Variants in KLF11 observed in about 807,000 individuals in gnomAD.
KLF11 encodes KLF transcription factor 11, also known as Krueppel-like factor 11.
A neutral mutation model predicts 29.9 loss-of-function variants in KLF11; 26 were observed. The ratio of observed to expected loss-of-function variants is 0.87; its 90% confidence interval spans 0.64 to 1.21. The LOEUF (loss-of-function observed/expected upper bound fraction) is 1.21. Ranked by LOEUF, KLF11 falls within the 50% of genes most tolerant of loss-of-function variation. The pLI, the probability that KLF11 is intolerant of heterozygous loss-of-function variation, is 0.00. For missense variants in KLF11, 778 were observed against 665.7 expected (o/e 1.17, Z -1.86); for synonymous variants, 318 against 257.4 (o/e 1.24, Z -2.25).
At position 10,044,665 on chromosome 2, in the gene KLF11, A is replaced by T. The variant is rs1470206561; in HGVS notation, c.42+907A>T. ...TTTCCTTTCCTTTTTTTTTTTTTTG[A>T]TAGGGAGTCTCGCTCTATCGCCCAG... On this transcript the variant is annotated intron_variant, in intron 1 of 3. Transcript: ENST00000305883. 1.4e-3 allele frequency among the ~76,000 whole-genome samples: 137 copies of T among 97,894 alleles called. 1 individual carries two copies. The highest frequency in any genetic ancestry group is 5.6e-3 in the South Asian group (17 of 3,046). 64.2% of individuals were successfully genotyped at this position (97,894 alleles called of 152,430 possible).
intron 3 of KLF11, among the ~76,000 whole-genome samples, chr2:10,050,064 T>G (rs1471607209): frequency 6.6e-6 from 1 of 152,222 alleles, no homozygotes; most frequent in Non-Finnish European, 1.5e-5. Flanking sequence ...ACTGACAGAA[T>G]GACCTGCAGT....
rs183945913 is a variant in KLF11, at chr2:10,044,068, C to G, written c.42+310C>G. The G allele has an allele frequency of 7.1e-6, 5 of 707,918 alleles. No individual in the cohort carries two copies. In the South Asian group the frequency reaches 2.4e-4, roughly 35 times the overall value. The allele number at this position is 707,918 out of a possible 1,614,324, so 43.9% of individuals were successfully genotyped here. ...CATGACGTCACCCCGGTCCTGTGAG[C>G]CGGACGGCCGTTGGGCGGGGGAGCG... On this transcript the variant is annotated intron_variant, in intron 1 of 3. Transcript: ENST00000305883.
intron 3 of KLF11, among the ~76,000 whole-genome samples, chr2:10,051,734 G>T (rs1244720607): frequency 7.0e-6 from 1 of 142,136 alleles, no homozygotes; most frequent in Non-Finnish European, 1.5e-5. Context: ...AGCCAGGATG[G>T]TCTCGGTCTT....
intron 1 of KLF11, chr2:10,044,405 T>G: frequency 1.0e-6 from 1 of 985,404 alleles, no homozygotes; most frequent in African/African-American, 1.7e-5. Context: ...GCGGGCCTCG[T>G]GGTGTGCGGG....
chr2:10,052,487 A>C lies in KLF11; in HGVS notation c.1519A>C (p.Ser507Arg), dbSNP rs1661438572. 2 of 1,613,996 alleles carry C rather than the reference A, an allele frequency of 1.2e-6. No individual in the cohort carries two copies. Among genetic ancestry groups the C allele is most frequent in the Non-Finnish European group, 1.7e-6 (2 of 1,180,000 alleles). Residue 507 changes from serine to arginine, a missense_variant, in exon 4 of 4, where the codon AGC becomes CGC. Ser to Arg is a moderately radical substitution (Grantham distance 110, BLOSUM62 -1). Coordinates refer to ENST00000305883, the MANE Select transcript of KLF11 (RefSeq NM_003597.5). ...SAESPGSPLV[S>R]MPASA ...AGAGAGCCCGGGGAGCCCACTGGTG[A>C]GCATGCCAGCCTCTGCCTGAAAGGT... is the stretch of plus-strand genomic sequence containing the variant.
intron 1 of KLF11, chr2:10,044,493 G>A (rs1007055280): frequency 4.2e-6 from 4 of 953,136 alleles, no homozygotes; most frequent in African/African-American, 3.5e-5. Flanking sequence ...ATCACAGGGG[G>A]TTTAGTGGCG....
chr2:10,051,025 G>C (rs1661388450), intron 3 of KLF11, among the ~76,000 whole-genome samples: 3 of 142,470 alleles, frequency 2.1e-5, no homozygotes, highest in African/African-American at 5.2e-5. Context: ...TCCTGCCTCA[G>C]CCTCCCGAGT....
Position 10,053,297 on chromosome 2 carries a change from G to A in KLF11, c.*790G>A. ...CAGTACTTGCTGCAGGATCTAGTCTGTAATAGTCTTGGCCATGGCTCTGCT... is the reference window on the plus strand; with the variant it reads ...CAGTACTTGCTGCAGGATCTAGTCTATAATAGTCTTGGCCATGGCTCTGCT... On this transcript the variant is annotated 3_prime_UTR_variant, in exon 4 of 4. Transcript: ENST00000305883. The A allele has an allele frequency of 2.5e-6, 1 of 398,660 alleles. No individual in the cohort carries two copies. The highest frequency in any genetic ancestry group is 4.4e-6 in the Non-Finnish European group (1 of 226,084). The allele number at this position is 398,660 out of a possible 1,614,324, so 24.7% of individuals were successfully genotyped here.
chr2:10,045,108 T>C (rs1661149050), intron 1 of KLF11, among the ~76,000 whole-genome samples: 1 of 150,766 alleles, frequency 6.6e-6, no homozygotes, highest in Non-Finnish European at 1.5e-5. Context: ...ATGGTGCCAC[T>C]GCACTCCAGC....
In KLF11 at chr2:10,046,323, C is replaced by CA. The variant is rs1181749253; in HGVS notation, c.217dup (p.Thr73AsnfsTer5). On this transcript the variant is annotated frameshift_variant, in exon 2 of 4. Transcript: ENST00000305883. LOFTEE classifies it high-confidence loss of function. ...GTGACCTGTTGCGGATAAGACCCCT[C>CA]ACGCCTGTCTCTGACTCTGGGGATG... The CA allele has an allele frequency of 6.2e-7, 1 of 1,614,086 alleles. No individual in the cohort carries two copies. The highest frequency in any genetic ancestry group is 8.5e-7 in the Non-Finnish European group (1 of 1,180,042).
chr2:10,049,094 T>C (rs1038394537), intron 3 of KLF11, among the ~76,000 whole-genome samples: 1 of 152,164 alleles, frequency 6.6e-6, no homozygotes, highest in African/African-American at 2.4e-5. Context: ...TAATTTAAAG[T>C]AAGTCACACA....
chr2:10,044,036 T>C, intron 1 of KLF11: 1 of 722,240 alleles, frequency 1.4e-6, no homozygotes, highest in Non-Finnish European at 1.7e-6. Flanking sequence ...CCGCGGCTAT[T>C]TCCAGCCATG....
rs142392220 is a variant in KLF11 at position 10,051,973 on chromosome 2, G to A, written c.1259-254G>A. Among the ~76,000 whole-genome samples the A allele has an allele frequency of 5.3e-3, 808 of 152,196 alleles. 6 individuals carry two copies. The highest frequency in any genetic ancestry group is 0.018 in the African/African-American group (754 of 41,526). On this transcript the variant is annotated intron_variant, in intron 3 of 3. Transcript: ENST00000305883. ...GTTTGAGCCGCTGTACTTGTACTTC[G>A]CCTGATTTATTTTTAAATATATTTT...
rs1661502864 is a variant in KLF11, at chr2:10,054,673, G to A, written c.*2166G>A. On this transcript the variant is annotated 3_prime_UTR_variant, in exon 4 of 4. Coordinates refer to ENST00000305883, the MANE Select transcript of KLF11 (RefSeq NM_003597.5). The stretch of plus-strand genomic sequence containing the variant: ...CCTCGTGCACTTTATTGCCTGGGCA[G>A]TTTTGCTTGATCTTTTGTGACTTTG... 6.5e-6 allele frequency: 1 copy of A among 152,680 alleles called. No individual in the cohort carries two copies. Among genetic ancestry groups the A allele is most frequent in the Non-Finnish European group, 1.5e-5 (1 of 68,050 alleles). 9.5% of individuals were successfully genotyped at this position (152,680 alleles called of 1,614,324 possible).
Position 10,043,753 on chromosome 2 carries a change from C to T in KLF11, c.37C>T (p.Arg13Cys). 1 of 1,383,206 alleles carries T rather than the reference C, an allele frequency of 7.2e-7. No individual in the cohort carries two copies. The highest frequency in any genetic ancestry group is 1.3e-5 in the South Asian group (1 of 78,910). The allele number at this position is 1,383,206 out of a possible 1,614,324, so 85.7% of individuals were successfully genotyped here. ...TPDFAGPDDA[R>C]AVDIMDICES... is the part of the protein sequence containing the mutation. ...GGACTTCGCAGGCCCAGACGACGCG[C>T]GCGCAGTGAGTGGTGGGGCTGCCGC... Residue 13 changes from arginine to cysteine, a missense_variant, in exon 1 of 4, where the codon CGC (arginine) becomes TGC (cysteine). Physicochemically the swap from Arg to Cys is radical, Grantham distance 180. Coordinates refer to ENST00000305883, the MANE Select transcript of KLF11 (RefSeq NM_003597.5).
At chr2:10,050,505 A>T (rs949894714) in intron 3 of KLF11, among the ~76,000 whole-genome samples, 1 of 150,366 alleles carries the variant, frequency 6.7e-6, no homozygotes, top group Non-Finnish European at 1.5e-5. Flanking sequence ...AGGTCAAGAA[A>T]TTGAGACCAT....
At position 10,053,057 on chromosome 2, in the gene KLF11, G is replaced by C. The variant is rs916615206; in HGVS notation, c.*550G>C. The C allele has an allele frequency of 2.5e-6, 1 of 393,288 alleles. No individual in the cohort carries two copies. The highest frequency in any genetic ancestry group is 4.4e-5 in the Admixed American group (1 of 22,656). The allele number at this position is 393,288 out of a possible 1,614,324, so 24.4% of individuals were successfully genotyped here. A position where few individuals can be genotyped will look rare whatever the true frequency, so the allele number is the denominator to read the frequency against. ...GTTATCTGGCCTTTTAGATCTTTTT[G>C]GAATCGGACCTGGTTGAGTAAGGAC... On this transcript the variant is annotated 3_prime_UTR_variant, in exon 4 of 4. Transcript: ENST00000305883.
chr2:10,047,914 C>A lies in KLF11; in HGVS notation c.577C>A (p.Pro193Thr), dbSNP rs368982748. ...PAACFPTIQT[P>T]DCRLSDSREG... ...TGCCTGCTTTCCCACCATCCAGACT[C>A]CAGATTGCCGGCTTTCTGACAGCAG... Residue 193 changes from proline (P) to threonine (T), a missense_variant, in exon 3 of 4, where the codon CCA becomes ACA. By Grantham distance (38) the Pro-to-Thr change is conservative (BLOSUM62 -1). Coordinates refer to ENST00000305883, the MANE Select transcript of KLF11 (RefSeq NM_003597.5). 3 of 1,613,824 alleles carry A rather than the reference C, an allele frequency of 1.9e-6. No homozygotes were observed. The highest frequency in any genetic ancestry group is 2.2e-5 in the East Asian group (1 of 44,880).
At position 10,048,172 on chromosome 2, in the gene KLF11, T is replaced by G. The variant is rs1333165835; in HGVS notation, c.835T>G (p.Ser279Ala). 2 of 1,614,212 alleles carry G rather than the reference T, an allele frequency of 1.2e-6. No homozygotes were observed. The highest frequency in any genetic ancestry group is 4.5e-5 in the East Asian group (2 of 44,888). The change falls in exon 3 of 4, where the codon TCT (serine) becomes GCT (alanine). Residue 279 changes from serine to alanine, a missense_variant. Transcript: ENST00000305883. ...GAAAACCACCCCTCTGATTTCTGTCTCTGTCCCTGCTCCCCCTGTCCTTTG... is the reference window on the plus strand; with the variant it reads ...GAAAACCACCCCTCTGATTTCTGTCGCTGTCCCTGCTCCCCCTGTCCTTTG... Reference protein sequence around the residue: ...PRKTTPLISVSVPAPPVLCQM... With the variant: ...PRKTTPLISVAVPAPPVLCQM...
Sources: gnomAD v4.1 joint callset for allele counts (sites outside exome capture counted in the v4.1 genomes callset) on GRCh38, gnomAD v4.1.1 for gene constraint, MANE v1.5 for transcripts, NCBI Gene and HGNC (gene_info 2026-07-23, HGNC 2026-07-21) for gene names.